TOM1L1: variants seen among roughly 807,000 people sequenced by gnomAD.
TOM1L1 encodes target of myb1 like 1 membrane trafficking protein.
TOM1L1 carries 64 observed loss-of-function variants against 63.4 expected under a neutral mutation model. That is an observed-to-expected ratio of 1.01 (90% CI 0.83 to 1.24). TOM1L1 has a LOEUF of 1.24. Among genes scored for constraint, TOM1L1 ranks in the 50% most tolerant of loss-of-function variants. The pLI is 0.00. For missense variants in TOM1L1, 536 were observed against 567.0 expected, an observed-to-expected ratio of 0.95 and a Z score of 0.55; for synonymous variants, 166 against 194.4, an observed-to-expected ratio of 0.85 and a Z score of 1.22.
At chr17:54,937,489 A>C (rs1343989146) in intron 10 of TOM1L1, 9 of 442,048 alleles carry the variant, frequency 2.0e-5, no homozygotes, top group South Asian at 5.2e-5. Flanking sequence ...GCTTTGTAGA[A>C]GTTGTTCAGC....
rs569463407 is a variant in TOM1L1 at position 54,960,633 on chromosome 17, GACTTCA to G, written c.*1+11_*1+16del. 1.2e-3 allele frequency: 1,905 copies of G among 1,597,268 alleles called. 4 individuals are homozygous for G. Among genetic ancestry groups the G allele is most frequent in the Non-Finnish European group, 1.4e-3 (1,689 of 1,165,434 alleles). ...TCAAAATGATGGTGACTGAGGTAAAGACTTCAACTTATACAACTTAATTCCATATTC... is the reference window on the plus strand; with the variant it reads ...TCAAAATGATGGTGACTGAGGTAAAGACTTATACAACTTAATTCCATATTC... On this transcript the variant is annotated splice_region_variant and intron_variant, in intron 15 of 15. Coordinates refer to ENST00000575882, the MANE Select transcript of TOM1L1 (RefSeq NM_005486.3).
At chr17:54,959,008 A>G (rs966130549) in intron 14 of TOM1L1, among the ~76,000 whole-genome samples, 1 of 152,230 alleles carries the variant, frequency 6.6e-6, no homozygotes, top group African/African-American at 2.4e-5. Context: ...TTGAAGATTT[A>G]GTGATGGGAA....
At position 54,949,631 on chromosome 17, in the gene TOM1L1, G is replaced by A. The variant is rs1450124777; in HGVS notation, c.1288+8G>A. ...TGCCCAGCAATCATCCAGGTACATG[G>A]GACCTTATTATTCGCATCAAATAAG... is the stretch of plus-strand genomic sequence containing the variant. On this transcript the variant is annotated splice_region_variant and intron_variant, in intron 13 of 15. Coordinates refer to ENST00000575882, the MANE Select transcript of TOM1L1 (RefSeq NM_005486.3). The A allele has an allele frequency of 6.2e-7, 1 of 1,601,880 alleles. No homozygotes were observed. The highest frequency in any genetic ancestry group is 8.6e-7 in the Non-Finnish European group (1 of 1,169,092).
chr17:54,934,669 C>T lies in TOM1L1; in HGVS notation c.855-1980C>T, dbSNP rs190215371. Among the ~76,000 whole-genome samples, 28 of 152,046 alleles carry T rather than the reference C, an allele frequency of 1.8e-4. No homozygotes were observed. In the East Asian group the frequency reaches 3.1e-3, roughly 17 times the overall value. On this transcript the variant is annotated intron_variant, in intron 8 of 15. Transcript: ENST00000575882. Reference sequence around the variant, plus strand: ...CTAGGAAGGTTGTTCATACCCAGCACATAACTGACTAGAATATAAGAAGCT... The same window carrying T: ...CTAGGAAGGTTGTTCATACCCAGCATATAACTGACTAGAATATAAGAAGCT...
At chr17:54,949,203 A>ATTTTATTT (rs2049170215) in intron 12 of TOM1L1, among the ~76,000 whole-genome samples, 1 of 122,296 alleles carries the variant, frequency 8.2e-6, no homozygotes, top group Non-Finnish European at 1.6e-5. Flanking sequence ...ATGCCCAGCT[A>ATTTTATTT]TTTTTTTTTT....
At chr17:54,949,983 A>C (rs1468404310) in intron 13 of TOM1L1, 62 bp from the exon 14 acceptor site, 1 of 1,280,822 alleles carries the variant, frequency 7.8e-7, no homozygotes, top group Non-Finnish European at 1.1e-6. Context: ...TAAAAAGAAT[A>C]TCAATTGCGT....
chr17:54,961,259 A>T lies in TOM1L1; in HGVS notation c.*26A>T, dbSNP rs1398349209. ...GAAGAAAGTGGATGATCAGCTCACTACCACATCAAAGGTGCCAACTCTCTA... is the reference window on the plus strand; with the variant it reads ...GAAGAAAGTGGATGATCAGCTCACTTCCACATCAAAGGTGCCAACTCTCTA... On this transcript the variant is annotated 3_prime_UTR_variant, in exon 16 of 16. Transcript: ENST00000575882. The T allele has an allele frequency of 3.2e-6, 5 of 1,550,424 alleles. No homozygotes were observed. Among genetic ancestry groups the T allele is most frequent in the Non-Finnish European group, 4.4e-6 (5 of 1,145,868 alleles).
intron 4 of TOM1L1, among the ~76,000 whole-genome samples, chr17:54,913,330 G>A (rs1214590351): frequency 6.6e-6 from 1 of 152,108 alleles, no homozygotes; most frequent in Non-Finnish European, 1.5e-5. Flanking sequence ...TCTGAGTGGG[G>A]TACATAATTA....
At position 54,913,747 on chromosome 17, in the gene TOM1L1, G is replaced by T. The variant is rs1426695385; in HGVS notation, c.373-1G>T. The T allele has an allele frequency of 1.2e-6, 2 of 1,600,390 alleles. No individual in the cohort carries two copies. Among genetic ancestry groups the T allele is most frequent in the Non-Finnish European group, 1.7e-6 (2 of 1,172,162 alleles). On this transcript the variant is annotated splice_acceptor_variant, in intron 4 of 15. Coordinates refer to ENST00000575882, the MANE Select transcript of TOM1L1 (RefSeq NM_005486.3). LOFTEE classifies it high-confidence loss of function. ...GAACTTTTTTCATCTCTTGAATTCA[G>T]ACTTGGTCACAGGGCTTCCCAGGAG...
In TOM1L1 at chr17:54,913,981, A is replaced by G. The variant is rs2048541667; in HGVS notation, c.498+108A>G. On this transcript the variant is annotated intron_variant, in intron 5 of 15. Transcript: ENST00000575882. ...CCACCCAGCTTAAGCAAAAAGATGAAGTTATTAGAAGGATATTGCAATATC... is the reference window on the plus strand; with the variant it reads ...CCACCCAGCTTAAGCAAAAAGATGAGGTTATTAGAAGGATATTGCAATATC... 2.4e-6 allele frequency: 3 copies of G among 1,261,652 alleles called. No individual in the cohort carries two copies. The Admixed American group carries it at 8.8e-5, about 37-fold the overall frequency. The allele number at this position is 1,261,652 out of a possible 1,614,324, so 78.2% of individuals were successfully genotyped here.
At chr17:54,936,532 G>GTGAGGA in intron 8 of TOM1L1, 117 bp from the exon 9 acceptor site, 1 of 829,292 alleles carries the variant, frequency 1.2e-6, no homozygotes, top group Non-Finnish European at 1.9e-6. Context: ...TGATAATTGT[G>GTGAGGA]TGAGGATGAG....
At chr17:54,910,188 G>T (rs1008976110) in intron 3 of TOM1L1, among the ~76,000 whole-genome samples, 1 of 152,188 alleles carries the variant, frequency 6.6e-6, no homozygotes, top group Non-Finnish European at 1.5e-5. Context: ...AGGTGCAGTG[G>T]TTCATGCCTG....
chr17:54,950,025 GTC>G lies in TOM1L1; in HGVS notation c.1289-16_1289-15del, dbSNP rs1415397656. On this transcript the variant is annotated intron_variant, in intron 13 of 15. Transcript: ENST00000575882. ...CTCAAAAAGCACAATATGTTTACTG[GTC>G]TCTTTTTTTGCCCAAAGCGATGACA... 1 of 1,600,342 alleles carries G rather than the reference GTC, an allele frequency of 6.2e-7. No homozygotes were observed.
intron 7 of TOM1L1, among the ~76,000 whole-genome samples, chr17:54,922,483 G>GT (rs1340289761): frequency 6.6e-6 from 1 of 152,046 alleles, no homozygotes; most frequent in Non-Finnish European, 1.5e-5. Flanking sequence ...CATGCCTGTG[G>GT]TCCCAGCTAC....
intron 3 of TOM1L1, among the ~76,000 whole-genome samples, chr17:54,912,271 G>T (rs981030599): frequency 6.6e-6 from 1 of 152,118 alleles, no homozygotes; most frequent in African/African-American, 2.4e-5. Context: ...GGACATTTTT[G>T]AAAGTGAAAG....
chr17:54,942,910 T>A (rs1264266569), intron 11 of TOM1L1, among the ~76,000 whole-genome samples: 1 of 152,248 alleles, frequency 6.6e-6, no homozygotes, highest in Non-Finnish European at 1.5e-5. Context: ...TTTGAGAATG[T>A]CATTCAAGTA....
chr17:54,957,522 G>A (rs570523429), intron 14 of TOM1L1: 13 of 152,262 alleles, frequency 8.5e-5, no homozygotes, highest in African/African-American at 1.4e-4. Flanking sequence ...AGATACTGGC[G>A]GTGGGAGAGA....
chr17:54,950,487 C>T (rs1197067066), intron 14 of TOM1L1, among the ~76,000 whole-genome samples: 1 of 152,122 alleles, frequency 6.6e-6, no homozygotes, highest in Non-Finnish European at 1.5e-5. Context: ...ATTTTAGCTG[C>T]TCTTTATGAA....
intron 8 of TOM1L1, chr17:54,930,440 C>G: frequency 2.3e-6 from 1 of 443,320 alleles, no homozygotes; most frequent in Non-Finnish European, 3.9e-6. Context: ...CATGGTGGCT[C>G]CCAGCTATAA....
Sources: gnomAD v4.1 joint callset for allele counts (sites outside exome capture counted in the v4.1 genomes callset) on GRCh38, gnomAD v4.1.1 for gene constraint, MANE v1.5 for transcripts, NCBI Gene and HGNC (gene_info 2026-07-23, HGNC 2026-07-21) for gene names.